ERC2: variants seen among roughly 807,000 people sequenced by gnomAD.
ERC2 encodes the protein ERC protein 2.
In ERC2, 42 loss-of-function variants were observed where a neutral mutation model predicts 114.8. The ratio of observed to expected loss-of-function variants is 0.37; its 90% CI spans 0.29 to 0.47. The LOEUF (loss-of-function observed/expected upper bound fraction) is 0.47. Ranked by LOEUF, ERC2 falls within the 20% of genes least tolerant of loss-of-function variation. The pLI, the probability that ERC2 is intolerant of heterozygous loss-of-function variation, is 0.99. For missense variants in ERC2, 939 were observed against 1,150.7 expected, an observed-to-expected ratio of 0.82 and a Z score of 2.66; for synonymous variants, 454 against 425.5, an observed-to-expected ratio of 1.07 and a Z score of -0.82.
intron 14 of ERC2, among the ~76,000 whole-genome samples, chr3:55,739,003 A>C (rs1232314486): frequency 5.3e-5 from 8 of 152,150 alleles, no homozygotes; most frequent in African/African-American, 1.7e-4. Context: ...GAGTGAGAAC[A>C]TGCAGTGTTT....
At chr3:55,818,995 C>T (rs576829176) in intron 14 of ERC2, among the ~76,000 whole-genome samples, 21 of 152,298 alleles carry the variant, frequency 1.4e-4, no homozygotes, top group African/African-American at 5.1e-4. Context: ...GATTGGCTGG[C>T]ACTGGTGCAA....
At chr3:56,207,802 A>C (rs2048830048) in intron 3 of ERC2, among the ~76,000 whole-genome samples, 1 of 152,174 alleles carries the variant, frequency 6.6e-6, no homozygotes, top group Non-Finnish European at 1.5e-5. Flanking sequence ...CCCTGGTACA[A>C]TGAATATTTA....
chr3:56,445,180 A>G (rs2062503149), intron 1 of ERC2, among the ~76,000 whole-genome samples: 2 of 152,166 alleles, frequency 1.3e-5, no homozygotes, highest in African/African-American at 4.8e-5. Context: ...CCTTCAAGAG[A>G]GGACATGTAC....
chr3:55,522,899 G>T (rs1395996246), intron 17 of ERC2, among the ~76,000 whole-genome samples: 4 of 152,206 alleles, frequency 2.6e-5, no homozygotes, highest in Non-Finnish European at 5.9e-5. Flanking sequence ...ACCCTGAGAG[G>T]GAATTTCTGT....
intron 17 of ERC2, among the ~76,000 whole-genome samples, chr3:55,524,246 C>T (rs933336668): frequency 6.6e-6 from 1 of 152,178 alleles, no homozygotes; most frequent in South Asian, 2.1e-4. Flanking sequence ...GAAATAACCA[C>T]AGTGGGGTGT....
chr3:56,272,351 A>G (rs2053709260), intron 3 of ERC2, among the ~76,000 whole-genome samples: 1 of 152,236 alleles, frequency 6.6e-6, no homozygotes, highest in Admixed American at 6.5e-5. Context: ...GAAGAGTCCC[A>G]TTATCAGCAT....
At chr3:56,028,722 T>G (rs2074198562) in intron 7 of ERC2, among the ~76,000 whole-genome samples, 1 of 152,080 alleles carries the variant, frequency 6.6e-6, no homozygotes, top group Non-Finnish European at 1.5e-5. Flanking sequence ...TTGTTTCATT[T>G]TTTGTCCCTT....
At chr3:55,741,444 C>T (rs1350739245) in intron 14 of ERC2, among the ~76,000 whole-genome samples, 2 of 151,888 alleles carry the variant, frequency 1.3e-5, no homozygotes, top group African/African-American at 4.8e-5. Flanking sequence ...AAACCGGAAA[C>T]AGAAAAATCA....
chr3:56,077,392 C>T (rs2077023739), intron 7 of ERC2, among the ~76,000 whole-genome samples: 1 of 152,214 alleles, frequency 6.6e-6, no homozygotes, highest in Admixed American at 6.5e-5. Flanking sequence ...CCATTATCTA[C>T]ATGACTTCAA....
At chr3:56,441,900 A>G (rs1221721730) in intron 1 of ERC2, among the ~76,000 whole-genome samples, 1 of 152,256 alleles carries the variant, frequency 6.6e-6, no homozygotes, top group Non-Finnish European at 1.5e-5. Flanking sequence ...ACAGCTGGAT[A>G]CAGTGGCGTG....
chr3:55,799,058 A>G (rs1276216897), intron 14 of ERC2, among the ~76,000 whole-genome samples: 1 of 152,110 alleles, frequency 6.6e-6, no homozygotes, highest in Non-Finnish European at 1.5e-5. Context: ...TCATCTCTAT[A>G]TAATATGGAA....
At chr3:56,456,804 G>A (rs2063081370) in intron 1 of ERC2, among the ~76,000 whole-genome samples, 1 of 152,200 alleles carries the variant, frequency 6.6e-6, no homozygotes, top group African/African-American at 2.4e-5. Context: ...GTACAAATAT[G>A]GTGATGCTGA....
intron 2 of ERC2, among the ~76,000 whole-genome samples, chr3:56,387,108 T>C (rs538582820): frequency 9.2e-5 from 14 of 152,330 alleles, no homozygotes; most frequent in African/African-American, 3.4e-4. Flanking sequence ...AGTGCACTAA[T>C]CTATAAGAAT....
At chr3:55,864,879 T>C (rs887603659) in intron 14 of ERC2, among the ~76,000 whole-genome samples, 1 of 152,100 alleles carries the variant, frequency 6.6e-6, no homozygotes, top group African/African-American at 2.4e-5. Context: ...ATCATCATTA[T>C]CACCATCACC....
chr3:55,560,916 C>T (rs756894048), intron 17 of ERC2, among the ~76,000 whole-genome samples: 4 of 152,146 alleles, frequency 2.6e-5, no homozygotes, highest in Non-Finnish European at 5.9e-5. Context: ...AGATTATTGG[C>T]CCAGTAAGCC....
intron 3 of ERC2, among the ~76,000 whole-genome samples, chr3:56,189,978 G>A (rs2083887822): frequency 6.6e-6 from 1 of 152,200 alleles, no homozygotes; most frequent in Non-Finnish European, 1.5e-5. Flanking sequence ...TGAGACAGGT[G>A]GCATTAGTGA....
chr3:55,936,047 C>G (rs1160276302), intron 13 of ERC2, among the ~76,000 whole-genome samples: 1 of 152,132 alleles, frequency 6.6e-6, no homozygotes, highest in Admixed American at 6.5e-5. Context: ...TAGTAATTAT[C>G]TTATTACCTA....
chr3:55,649,444 T>C (rs745387026), intron 17 of ERC2, among the ~76,000 whole-genome samples: 9 of 151,958 alleles, frequency 5.9e-5, no homozygotes, highest in Non-Finnish European at 1.2e-4. Context: ...TATTTTCTAC[T>C]AGAGATGGGG....
chr3:55,571,352 AT>A (rs2056703281), intron 17 of ERC2, among the ~76,000 whole-genome samples: 1 of 152,034 alleles, frequency 6.6e-6, no homozygotes, highest in Non-Finnish European at 1.5e-5. Flanking sequence ...ATAGTAAACA[AT>A]TTTGACTTGG....
Sources: gnomAD v4.1 joint callset for allele counts (sites outside exome capture counted in the v4.1 genomes callset) on GRCh38, gnomAD v4.1.1 for gene constraint, MANE v1.5 for transcripts, NCBI Gene and HGNC (gene_info 2026-07-23, HGNC 2026-07-21) for gene names.